Variants in LPP observed in about 807,000 individuals in gnomAD.
LPP encodes the protein lipoma-preferred partner.
In LPP, 38 loss-of-function variants were observed where a neutral mutation model predicts 60.4. The ratio of observed to expected loss-of-function variants is 0.63; its 90% CI spans 0.49 to 0.83. The LOEUF (loss-of-function observed/expected upper bound fraction) is 0.83. Ranked by LOEUF, LPP falls within the 40% of genes least tolerant of loss-of-function variation. The pLI is 0.00. For missense variants in LPP, 902 were observed against 783.6 expected, an observed-to-expected ratio of 1.15 and a Z score of -1.80; for synonymous variants, 328 against 290.8, an observed-to-expected ratio of 1.13 and a Z score of -1.30.
rs73888861 is a variant in LPP at position 188,644,819 on chromosome 3, C to T, written c.1113+34975C>T. Among the ~76,000 whole-genome samples, 921 of 152,232 alleles carry T rather than the reference C, an allele frequency of 6.0e-3. 10 individuals carry two copies. Among genetic ancestry groups the T allele is most frequent in the African/African-American group, 0.021 (888 of 41,544 alleles). ...TCTTCCAAACCTGGTATTTGTTGGTCGTATCTATTACAAGGTAGCTGTGGC... is the reference window on the plus strand; with the variant it reads ...TCTTCCAAACCTGGTATTTGTTGGTTGTATCTATTACAAGGTAGCTGTGGC... On this transcript the variant is annotated intron_variant, in intron 7 of 11. Transcript: ENST00000617246.
chr3:188,780,402 A>G (rs531451831), intron 9 of LPP, among the ~76,000 whole-genome samples: 1 of 152,318 alleles, frequency 6.6e-6, no homozygotes, highest in Admixed American at 6.5e-5. Flanking sequence ...CTTCCCATCA[A>G]TGGACAGCTG....
At chr3:188,832,205 C>T (rs923002907) in intron 9 of LPP, among the ~76,000 whole-genome samples, 13 of 152,178 alleles carry the variant, frequency 8.5e-5, no homozygotes, top group African/African-American at 2.7e-4. Context: ...TTGTGATATA[C>T]GAGTCCATCT....
chr3:188,406,058 G>A (rs994138452), intron 3 of LPP, 54 bp from the exon 4 acceptor site: 108 of 1,452,004 alleles, frequency 7.4e-5, no homozygotes, highest in Non-Finnish European at 9.5e-5. Context: ...GAAATGAGGA[G>A]TATTGTCTTC....
In LPP at chr3:188,441,464, C is replaced by T. The variant is rs1357863797; in HGVS notation, c.193+35151C>T. 5.3e-5 allele frequency among the ~76,000 whole-genome samples: 8 copies of T among 152,000 alleles called. No homozygotes were observed. In the East Asian group the frequency reaches 1.2e-3, roughly 22 times the overall value. On this transcript the variant is annotated intron_variant, in intron 4 of 11. Transcript: ENST00000617246. ...TCATCATTTAGAGGCCTTCAGACCC[C>T]AATTCGTAGTTTCTTCACAGTTGCC...
intron 1 of LPP, among the ~76,000 whole-genome samples, chr3:188,158,525 G>A (rs554376839): frequency 2.0e-5 from 3 of 152,200 alleles, no homozygotes; most frequent in African/African-American, 4.8e-5. Flanking sequence ...GCTGTAGGTA[G>A]TGTAGGGATT....
intron 6 of LPP, among the ~76,000 whole-genome samples, chr3:188,593,740 A>C (rs1467111878): frequency 1.3e-5 from 2 of 152,200 alleles, no homozygotes; most frequent in African/African-American, 4.8e-5. Flanking sequence ...AATAGTCTCT[A>C]ATCTCATCCA....
At chr3:188,606,330 C>G (rs1445493887) in intron 6 of LPP, among the ~76,000 whole-genome samples, 2 of 152,140 alleles carry the variant, frequency 1.3e-5, no homozygotes, top group African/African-American at 4.8e-5. Flanking sequence ...TGAATCCTGA[C>G]TCTTATGGCT....
intron 5 of LPP, among the ~76,000 whole-genome samples, chr3:188,492,106 T>C (rs1808548828): frequency 6.6e-6 from 1 of 152,126 alleles, no homozygotes; most frequent in South Asian, 2.1e-4. Flanking sequence ...AAAAGTCTTG[T>C]GGGGAATTGA....
chr3:188,795,015 G>A (rs1251865585), intron 9 of LPP, among the ~76,000 whole-genome samples: 4 of 152,118 alleles, frequency 2.6e-5, no homozygotes, highest in African/African-American at 7.2e-5. Context: ...TGTGCCTGTA[G>A]TCCCAGCTAC....
intron 4 of LPP, among the ~76,000 whole-genome samples, chr3:188,447,560 A>G (rs973005410): frequency 6.7e-6 from 1 of 148,576 alleles, no homozygotes; most frequent in Non-Finnish European, 1.5e-5. Flanking sequence ...CAGTGAGCAG[A>G]GATTACACCA....
rs1159579624 is a variant in LPP, at chr3:188,260,631, A to G, written c.-67+35104A>G. Among the ~76,000 whole-genome samples, 9 of 152,116 alleles carry G rather than the reference A, an allele frequency of 5.9e-5. No homozygotes were observed. In the East Asian group the frequency reaches 1.7e-3, roughly 29 times the overall value. Reference sequence around the variant, plus strand: ...GCTGCATAACGATTGAGCACCTTATATTTACACAATGCTTGGTTGTTGTTT... The same window carrying G: ...GCTGCATAACGATTGAGCACCTTATGTTTACACAATGCTTGGTTGTTGTTT... On this transcript the variant is annotated intron_variant, in intron 2 of 11. Transcript: ENST00000617246.
chr3:188,179,857 G>A (rs1724393911), intron 1 of LPP: 1 of 259,984 alleles, frequency 3.8e-6, no homozygotes, highest in Non-Finnish European at 7.6e-6. Context: ...ATGGCACCTT[G>A]AGGCCTTGTC....
chr3:188,497,006 T>A (rs1441466890), intron 5 of LPP, among the ~76,000 whole-genome samples: 5 of 109,858 alleles, frequency 4.6e-5, no homozygotes, highest in African/African-American at 2.6e-4. Context: ...AAAGTTTCTG[T>A]GGCATTTTTT....
chr3:188,276,049 C>A (rs1053802796), intron 2 of LPP, among the ~76,000 whole-genome samples: 3 of 152,192 alleles, frequency 2.0e-5, no homozygotes, highest in African/African-American at 7.2e-5. Flanking sequence ...AAAGACTGAA[C>A]AGAAGTGTGA....
At chr3:188,282,077 A>G (rs1268186673) in intron 2 of LPP, among the ~76,000 whole-genome samples, 1 of 147,572 alleles carries the variant, frequency 6.8e-6, no homozygotes, top group African/African-American at 2.5e-5. Context: ...CCCTTCCCTT[A>G]TATTCTGTTT....
chr3:188,744,811 T>C (rs1725612914), intron 8 of LPP, among the ~76,000 whole-genome samples: 1 of 152,146 alleles, frequency 6.6e-6, no homozygotes, highest in Non-Finnish European at 1.5e-5. Context: ...TTCCTGCCTA[T>C]AAAACACATT....
chr3:188,525,123 C>T (rs1355916909), intron 6 of LPP, among the ~76,000 whole-genome samples: 2 of 151,910 alleles, frequency 1.3e-5, no homozygotes, highest in Non-Finnish European at 2.9e-5. Flanking sequence ...CCTGCCACCA[C>T]ACCTGGCTAA....
intron 2 of LPP, among the ~76,000 whole-genome samples, chr3:188,282,133 C>G (rs1459818627): frequency 3.3e-5 from 5 of 151,882 alleles, no homozygotes; most frequent in African/African-American, 4.8e-5. Flanking sequence ...CCCTCCCTCC[C>G]TTGCAATACT....
At chr3:188,302,230 A>G (rs1365577681) in intron 2 of LPP, among the ~76,000 whole-genome samples, 1 of 152,182 alleles carries the variant, frequency 6.6e-6, no homozygotes, top group Non-Finnish European at 1.5e-5. Context: ...TTTATAACTA[A>G]GAAACAGAGA....
Sources: gnomAD v4.1 joint callset for allele counts (sites outside exome capture counted in the v4.1 genomes callset) on GRCh38, gnomAD v4.1.1 for gene constraint, MANE v1.5 for transcripts, NCBI Gene and HGNC (gene_info 2026-07-23, HGNC 2026-07-21) for gene names.